PDZRN3: variants seen among roughly 807,000 people sequenced by gnomAD.
The protein encoded by PDZRN3 is PDZ domain containing ring finger 3.
PDZRN3 carries 38 observed loss-of-function variants against 85.7 expected under a neutral mutation model. The observed-to-expected ratio is 0.44, with a 90% CI of 0.34 to 0.58. The LOEUF is 0.58. Ranked by LOEUF, PDZRN3 falls within the 20% of genes least tolerant of loss-of-function variation. The probability of loss-of-function intolerance (pLI) is 0.01; values close to 1 mark genes in which losing one functional copy is unlikely to be tolerated. For synonymous variants in PDZRN3, 759 were observed against 638.0 expected, an observed-to-expected ratio of 1.19 and a Z score of -2.86; for missense variants, 1,629 against 1,506.4, an observed-to-expected ratio of 1.08 and a Z score of -1.35.
intron 3 of PDZRN3, among the ~76,000 whole-genome samples, chr3:73,554,772 G>A (rs757572319): frequency 1.3e-5 from 2 of 152,174 alleles, no homozygotes; most frequent in African/African-American, 2.4e-5. Context: ...TAATTTATCC[G>A]TAAAATGAGT....
At chr3:73,532,362 G>T (rs1159722339) in intron 3 of PDZRN3, among the ~76,000 whole-genome samples, 1 of 152,156 alleles carries the variant, frequency 6.6e-6, no homozygotes, top group Non-Finnish European at 1.5e-5. Flanking sequence ...ATGACATTCA[G>T]CTCAAGCCTA....
rs187461511 is a variant in PDZRN3 at position 73,588,051 on chromosome 3, C to T, written c.918+14303G>A. Among the ~76,000 whole-genome samples, 116 of 152,278 alleles carry T rather than the reference C, an allele frequency of 7.6e-4. 1 individual carries two copies. The East Asian group carries it at 0.02, about 26-fold the overall frequency. ...ATATGTGTGCCATGGTGGTTTGCGG[C>T]ACCTGTTGACCTGTCCTCTAAGTTC... On this transcript the variant is annotated intron_variant, in intron 3 of 9. Coordinates refer to ENST00000263666, the MANE Select transcript of PDZRN3 (RefSeq NM_015009.3).
At chr3:73,528,838 T>C (rs1704585164) in intron 3 of PDZRN3, among the ~76,000 whole-genome samples, 1 of 151,584 alleles carries the variant, frequency 6.6e-6, no homozygotes, top group Non-Finnish European at 1.5e-5. Context: ...AGAAGGGGAA[T>C]GGCAAGGTAA....
chr3:73,464,444 G>C (rs1703171170), intron 3 of PDZRN3, among the ~76,000 whole-genome samples: 1 of 152,062 alleles, frequency 6.6e-6, no homozygotes, highest in South Asian at 2.1e-4. Flanking sequence ...TAACATTGTT[G>C]AACTCTCATA....
intron 4 of PDZRN3, among the ~76,000 whole-genome samples, chr3:73,403,238 G>T (rs535265946): frequency 1.3e-5 from 2 of 152,268 alleles, no homozygotes; most frequent in Non-Finnish European, 2.9e-5. Context: ...GAGCCACCAC[G>T]CCTGGCCTTG....
Position 73,384,494 on chromosome 3 carries a change from T to A in PDZRN3, c.2072A>T (p.Glu691Val), listed in dbSNP as rs1469029020. 1.9e-6 allele frequency: 3 copies of A among 1,613,546 alleles called. No homozygotes were observed. Among genetic ancestry groups the A allele is most frequent in the Non-Finnish European group, 2.5e-6 (3 of 1,180,034 alleles). The change falls in exon 10 of 10, where the codon GAG (glutamate) becomes GTG (valine). Residue 691 changes from glutamate (E) to valine (V), a missense_variant. Coordinates refer to ENST00000263666, the MANE Select transcript of PDZRN3 (RefSeq NM_015009.3). ...GCACTCCAGCTCGATGCTGCGCAGCTCTTCGTTCAGCAGCTCCAGCTCCTT... is the reference window on the plus strand; with the variant it reads ...GCACTCCAGCTCGATGCTGCGCAGCACTTCGTTCAGCAGCTCCAGCTCCTT... ...VDKELELLNEELRSIELECLS... is the reference protein window; with the variant it reads ...VDKELELLNEVLRSIELECLS...
intron 3 of PDZRN3, among the ~76,000 whole-genome samples, chr3:73,490,930 C>T (rs3213822): frequency 0.66 from 100,868 of 152,154 alleles, 33,591 homozygotes; most frequent in East Asian, 0.84. Context: ...CTTCAACGCA[C>T]GGGGCTTCTA....
intron 3 of PDZRN3, among the ~76,000 whole-genome samples, chr3:73,513,686 C>T (rs527908427): frequency 2.0e-5 from 3 of 152,312 alleles, no homozygotes; most frequent in South Asian, 4.1e-4. Flanking sequence ...AAAGCTCATT[C>T]AATTTTCTCA....
At position 73,624,678 on chromosome 3, in the gene PDZRN3, C is replaced by T. The variant is rs758905933; in HGVS notation, c.148G>A (p.Gly50Ser). 23 of 1,526,626 alleles carry T rather than the reference C, an allele frequency of 1.5e-5. No individual in the cohort carries two copies. The highest frequency in any genetic ancestry group is 2.9e-5 in the African/African-American group (2 of 70,086). The allele number at this position is 1,526,626 out of a possible 1,614,324, so 94.6% of individuals were successfully genotyped here. The change falls in exon 1 of 10, where the codon GGC becomes AGC. Residue 50 changes from glycine (G) to serine (S), a missense_variant. Transcript: ENST00000263666. ...GCVLPWVVQE[G>S]SCPARCRGRL... Reference sequence around the variant, plus strand: ...CCGCGGCAGCGCGCCGGGCAGCTGCCCTCCTGCACCACCCAGGGCAGCACG... The same window carrying T: ...CCGCGGCAGCGCGCCGGGCAGCTGCTCTCCTGCACCACCCAGGGCAGCACG...
chr3:73,618,766 T>C (rs9828164), intron 1 of PDZRN3, among the ~76,000 whole-genome samples: 24,479 of 152,196 alleles, frequency 0.16, 4,208 homozygotes, highest in African/African-American at 0.44. Context: ...GTTATACTCA[T>C]TTAATCCAGT....
chr3:73,466,100 T>A (rs959322041), intron 3 of PDZRN3, among the ~76,000 whole-genome samples: 2 of 152,218 alleles, frequency 1.3e-5, no homozygotes, highest in African/African-American at 4.8e-5. Context: ...TTGCAGAGCC[T>A]GATGTCTGGG....
intron 3 of PDZRN3, among the ~76,000 whole-genome samples, chr3:73,416,889 T>TTTTTTTTTTTTTTTTTTTTTTTTTTG (rs1702099190): frequency 7.4e-6 from 1 of 135,024 alleles, no homozygotes; most frequent in African/African-American, 3.1e-5. Context: ...TTTTTTTTTT[T>TTTTTTTTTTTTTTTTTTTTTTTTTTG]TTTTTTTTTT....
At chr3:73,393,366 T>C (rs1701568158) in intron 5 of PDZRN3, among the ~76,000 whole-genome samples, 1 of 152,198 alleles carries the variant, frequency 6.6e-6, no homozygotes, top group Admixed American at 6.5e-5. Flanking sequence ...CTACTACTGC[T>C]ACTCAAAGCG....
intron 3 of PDZRN3, among the ~76,000 whole-genome samples, chr3:73,494,184 A>G (rs1212279134): frequency 6.6e-6 from 1 of 152,212 alleles, no homozygotes; most frequent in Non-Finnish European, 1.5e-5. Context: ...ACTGACCACC[A>G]CTGTAACAAG....
At chr3:73,520,019 T>A (rs1030897315) in intron 3 of PDZRN3, among the ~76,000 whole-genome samples, 2 of 152,012 alleles carry the variant, frequency 1.3e-5, no homozygotes, top group African/African-American at 4.8e-5. Flanking sequence ...AAAACCTGCA[T>A]CCCATCCATA....
At chr3:73,410,366 A>C (rs559315639) in intron 3 of PDZRN3, among the ~76,000 whole-genome samples, 28 of 152,142 alleles carry the variant, frequency 1.8e-4, no homozygotes, top group Non-Finnish European at 3.1e-4. Context: ...TTTCTGAGGA[A>C]AGTACGTCTA....
chr3:73,512,844 A>G (rs1236848477), intron 3 of PDZRN3, among the ~76,000 whole-genome samples: 1 of 152,330 alleles, frequency 6.6e-6, no homozygotes, highest in African/African-American at 2.4e-5. Flanking sequence ...CACTAAAATG[A>G]AAAGTAGCTT....
At chr3:73,394,022 T>C (rs1701585464) in intron 5 of PDZRN3, among the ~76,000 whole-genome samples, 1 of 152,250 alleles carries the variant, frequency 6.6e-6, no homozygotes, top group South Asian at 2.1e-4. Context: ...CTTCTGAATC[T>C]GTCAATTCCT....
At chr3:73,598,813 G>T (rs951799650) in intron 3 of PDZRN3, among the ~76,000 whole-genome samples, 2 of 152,192 alleles carry the variant, frequency 1.3e-5, no homozygotes, top group Non-Finnish European at 2.9e-5. Flanking sequence ...CTGTCCCTGA[G>T]CAACTCAATT....
Sources: allele counts gnomAD v4.1 joint callset (sites outside exome capture counted in the v4.1 genomes callset), GRCh38; gene constraint gnomAD v4.1.1; transcripts MANE v1.5; gene names NCBI Gene and HGNC (gene_info 2026-07-23, HGNC 2026-07-21).